CEP112: variants seen among roughly 807,000 people sequenced by gnomAD.
CEP112 encodes centrosomal protein 112.
A neutral mutation model predicts 153.0 loss-of-function variants in CEP112; 127 were observed. That is an observed-to-expected ratio of 0.83 (90% CI 0.72 to 0.96). CEP112 has a LOEUF of 0.96. Ranked by LOEUF, CEP112 falls within the 40% of genes least tolerant of loss-of-function variation. The pLI is 0.00. For missense variants in CEP112, 1,089 were observed against 1,101.2 expected, an observed-to-expected ratio of 0.99 and a Z score of 0.16; for synonymous variants, 358 against 374.4, an observed-to-expected ratio of 0.96 and a Z score of 0.51.
intron 24 of CEP112, among the ~76,000 whole-genome samples, chr17:65,647,472 CTTT>C (rs36023443): frequency 1.8e-5 from 2 of 111,286 alleles, no homozygotes; most frequent in African/African-American, 3.6e-5. Flanking sequence ...TGTGCCCGGC[CTTT>C]TTTTTTTTTT....
chr17:66,063,718 A>G (rs984222800), intron 10 of CEP112, among the ~76,000 whole-genome samples: 2 of 152,126 alleles, frequency 1.3e-5, no homozygotes, highest in Admixed American at 6.5e-5. Flanking sequence ...AGGCTTACAA[A>G]CGTTCTACAG....
At chr17:65,836,580 A>G (rs940297151) in intron 21 of CEP112, among the ~76,000 whole-genome samples, 1 of 152,206 alleles carries the variant, frequency 6.6e-6, no homozygotes, top group Admixed American at 6.5e-5. Context: ...AAGATAATAT[A>G]ATAATTGTAA....
In CEP112 at chr17:65,794,176, T is replaced by C. The variant is rs868618259; in HGVS notation, c.2395-43452A>G. On this transcript the variant is annotated intron_variant, in intron 21 of 26. Coordinates refer to ENST00000535342, the MANE Select transcript of CEP112 (RefSeq NM_001199165.4). ...TAATAAAAAGCTGTATTGGCATGTA[T>C]AGTCTTCTGTTGTAGGGTAAACTCA... Among the ~76,000 whole-genome samples, 10 of 152,344 alleles carry C rather than the reference T, an allele frequency of 6.6e-5. No homozygotes were observed. In the South Asian group the frequency reaches 8.3e-4, roughly 13 times the overall value.
At position 65,640,154 on chromosome 17, in the gene CEP112, A is replaced by T. The variant is rs4791149; in HGVS notation, c.2799+810T>A. ...CACCCGACCATATATATATATATAT[A>T]TTTTTTTTTTTTTTTTTTTGAGACA... On this transcript the variant is annotated intron_variant, in intron 25 of 26. Transcript: ENST00000535342. 7.3e-3 allele frequency among the ~76,000 whole-genome samples: 571 copies of T among 78,348 alleles called. 5 individuals carry two copies. The highest frequency in any genetic ancestry group is 0.034 in the Middle Eastern group (4 of 118). The allele number at this position is 78,348 out of a possible 152,430, so 51.4% of individuals were successfully genotyped here. A position where few individuals can be genotyped will look rare whatever the true frequency, so the allele number is the denominator to read the frequency against.
At chr17:66,122,191 G>T (rs754665018) in intron 6 of CEP112, among the ~76,000 whole-genome samples, 2 of 152,102 alleles carry the variant, frequency 1.3e-5, no homozygotes, top group Non-Finnish European at 2.9e-5. Flanking sequence ...ACTGCGCCTG[G>T]CCCATCACAG....
intron 24 of CEP112, among the ~76,000 whole-genome samples, chr17:65,664,631 T>C (rs892501911): frequency 6.6e-6 from 1 of 152,164 alleles, no homozygotes; most frequent in African/African-American, 2.4e-5. Flanking sequence ...GACTTGGTGA[T>C]GAAATAGTTA....
chr17:65,813,695 GA>G lies in CEP112; in HGVS notation c.2394+38108del, dbSNP rs149660346. Among the ~76,000 whole-genome samples the G allele has an allele frequency of 5.2e-3, 791 of 152,274 alleles. 5 individuals are homozygous for G. The highest frequency in any genetic ancestry group is 0.018 in the African/African-American group (751 of 41,540). On this transcript the variant is annotated intron_variant, in intron 21 of 26. Coordinates refer to ENST00000535342, the MANE Select transcript of CEP112 (RefSeq NM_001199165.4). ...GAGAATTAAAGTAGATAAGGTGCGT[GA>G]AAGTGCTTTACACATGGAAAGCACA...
Position 65,635,727 on chromosome 17 carries a change from A to C in CEP112, c.*244T>G, listed in dbSNP as rs532210767. ...GCCCAATATAAGCAGTTCTCAGCACATACTCAAATGCACACAAACATGAAA... is the reference window on the plus strand; with the variant it reads ...GCCCAATATAAGCAGTTCTCAGCACCTACTCAAATGCACACAAACATGAAA... On this transcript the variant is annotated 3_prime_UTR_variant, in exon 27 of 27. Coordinates refer to ENST00000535342, the MANE Select transcript of CEP112 (RefSeq NM_001199165.4). 29 of 560,714 alleles carry C rather than the reference A, an allele frequency of 5.2e-5. No homozygotes were observed. Among genetic ancestry groups the C allele is most frequent in the Non-Finnish European group, 7.5e-5 (24 of 320,028 alleles). 34.7% of individuals were successfully genotyped at this position (560,714 alleles called of 1,614,324 possible).
intron 24 of CEP112, among the ~76,000 whole-genome samples, chr17:65,670,338 G>T (rs1598268734): frequency 6.7e-6 from 1 of 149,776 alleles, no homozygotes. Context: ...GTTACTTTCT[G>T]TATATTTTTA....
intron 6 of CEP112, among the ~76,000 whole-genome samples, chr17:66,107,743 C>T (rs1238643758): frequency 6.6e-6 from 1 of 151,928 alleles, no homozygotes; most frequent in Non-Finnish European, 1.5e-5. Context: ...AGAGTCAATG[C>T]AATTACTGTA....
chr17:66,069,683 G>T (rs1230480075), intron 9 of CEP112, among the ~76,000 whole-genome samples: 1 of 152,074 alleles, frequency 6.6e-6, no homozygotes, highest in Non-Finnish European at 1.5e-5. Context: ...GGACTAAAAG[G>T]TAATGTAAAT....
At chr17:65,897,270 T>G (rs1332502998) in intron 20 of CEP112, among the ~76,000 whole-genome samples, 1 of 152,122 alleles carries the variant, frequency 6.6e-6, no homozygotes, top group Admixed American at 6.6e-5. Flanking sequence ...AAATATATAC[T>G]ACCTCAGGAC....
chr17:65,896,960 C>G (rs895346428), intron 20 of CEP112, among the ~76,000 whole-genome samples: 3 of 152,094 alleles, frequency 2.0e-5, no homozygotes, highest in African/African-American at 7.2e-5. Flanking sequence ...CACCAACCTT[C>G]TAATGCCTAA....
intron 8 of CEP112, among the ~76,000 whole-genome samples, chr17:66,085,547 C>G (rs1022674694): frequency 2.0e-5 from 3 of 152,130 alleles, no homozygotes; most frequent in African/African-American, 7.2e-5. Context: ...ATACTCTAAA[C>G]AGCCTACATG....
At chr17:65,693,854 T>C (rs2048238235) in intron 23 of CEP112, among the ~76,000 whole-genome samples, 1 of 152,152 alleles carries the variant, frequency 6.6e-6, no homozygotes, top group South Asian at 2.1e-4. Flanking sequence ...GGTGCCCTTC[T>C]AAAAGCTCTG....
intron 24 of CEP112, chr17:65,654,859 G>T: frequency 2.2e-6 from 1 of 451,286 alleles, no homozygotes; most frequent in South Asian, 1.8e-5. Context: ...CTTAAATTCT[G>T]AATAAGATTG....
intron 9 of CEP112, 133 bp from the exon 10 acceptor site, chr17:66,067,010 A>G: frequency 2.4e-6 from 1 of 413,128 alleles, no homozygotes; most frequent in Non-Finnish European, 3.9e-6. Flanking sequence ...ACACTGTGAA[A>G]TTATAAACAC....
intron 18 of CEP112, among the ~76,000 whole-genome samples, chr17:65,951,333 G>A (rs186202721): frequency 4.6e-5 from 7 of 152,248 alleles, no homozygotes; most frequent in African/African-American, 1.4e-4. Context: ...AATAGTTGAT[G>A]TAATTCGCCA....
intron 18 of CEP112, among the ~76,000 whole-genome samples, chr17:65,939,367 C>T (rs2144444856): frequency 6.6e-6 from 1 of 152,140 alleles, no homozygotes; most frequent in East Asian, 1.9e-4. Flanking sequence ...TCATTTCTCA[C>T]AGAAATAGAA....
Sources: gnomAD v4.1 joint callset for allele counts (sites outside exome capture counted in the v4.1 genomes callset) on GRCh38, gnomAD v4.1.1 for gene constraint, MANE v1.5 for transcripts, NCBI Gene and HGNC (gene_info 2026-07-23, HGNC 2026-07-21) for gene names.